Variants in SCHIP1 observed in about 807,000 individuals in gnomAD.
SCHIP1 encodes schwannomin-interacting protein 1.
A neutral mutation model predicts 29.7 loss-of-function variants in SCHIP1; 8 were observed. That is an observed-to-expected ratio of 0.27 (90% CI 0.16 to 0.49). The LOEUF is 0.49. SCHIP1 is among the 20% of genes least tolerant of loss of function. SCHIP1 has a pLI of 0.99. For missense variants in SCHIP1, 193 were observed against 294.6 expected (o/e 0.66, Z 2.52); for synonymous variants, 76 against 94.9 (o/e 0.80, Z 1.16).
the SCHIP1 span, among the ~76,000 whole-genome samples, chr3:159,320,925 C>T: frequency 1.3e-5 from 2 of 151,400 alleles, no homozygotes; most frequent in South Asian, 4.2e-4. Context: ...TTTAAAGTAC[C>T]TGGCATGGAG....
chr3:159,794,254 G>T, the SCHIP1 span, among the ~76,000 whole-genome samples: 1 of 152,154 alleles, frequency 6.6e-6, no homozygotes, highest in African/African-American at 2.4e-5. Flanking sequence ...GTTTCTGATG[G>T]GTAAGAGAGG....
chr3:159,756,261 C>G, the SCHIP1 span, among the ~76,000 whole-genome samples: 1 of 152,242 alleles, frequency 6.6e-6, no homozygotes. Flanking sequence ...CTTTCAAAAT[C>G]TAGGTGGAGG....
At chr3:159,427,177 A>G in the SCHIP1 span, among the ~76,000 whole-genome samples, 53 of 151,920 alleles carry the variant, frequency 3.5e-4, no homozygotes, top group Non-Finnish European at 6.9e-4. Context: ...CCTATTCAAC[A>G]TAGTGTTGGA....
chr3:159,719,817 A>G, the SCHIP1 span, among the ~76,000 whole-genome samples: 1 of 152,232 alleles, frequency 6.6e-6, no homozygotes, highest in Non-Finnish European at 1.5e-5. Context: ...ATTGTGGAAG[A>G]CAGTGTGAGA....
At chr3:159,365,474 T>C in the SCHIP1 span, among the ~76,000 whole-genome samples, 6 of 152,166 alleles carry the variant, frequency 3.9e-5, no homozygotes, top group African/African-American at 1.2e-4. Flanking sequence ...ACTATATATA[T>C]AAAACATATG....
At chr3:159,864,508 CACACACAT>C (rs1262173851) in intron 1 of SCHIP1, among the ~76,000 whole-genome samples, 9 of 145,516 alleles carry the variant, frequency 6.2e-5, no homozygotes, top group African/African-American at 2.0e-4. Context: ...CACACACACA[CACACACAT>C]ATGCTAGCTC....
At chr3:159,746,108 G>T in the SCHIP1 span, among the ~76,000 whole-genome samples, 54 of 152,256 alleles carry the variant, frequency 3.5e-4, no homozygotes, top group African/African-American at 1.2e-3. Flanking sequence ...TTACGTAAAT[G>T]CTTGGACTGT....
chr3:159,321,735 T>C, the SCHIP1 span, among the ~76,000 whole-genome samples: 1 of 152,088 alleles, frequency 6.6e-6, no homozygotes, highest in Non-Finnish European at 1.5e-5. Flanking sequence ...TCTTTTTAAA[T>C]AAATCTGTAC....
chr3:159,819,717 T>A, the SCHIP1 span, among the ~76,000 whole-genome samples: 2 of 152,194 alleles, frequency 1.3e-5, no homozygotes, highest in African/African-American at 4.8e-5. Flanking sequence ...GTAGAGATAA[T>A]AATAGTTTGT....
At chr3:159,850,542 C>CAA (rs61224003) in intron 1 of SCHIP1, among the ~76,000 whole-genome samples, 9,770 of 103,662 alleles carry the variant, frequency 0.094, 561 homozygotes, top group Middle Eastern at 0.13. Context: ...GATTCCATCT[C>CAA]AAAAAAAAAA....
At chr3:159,839,850 C>T, upstream of SCHIP1, 1 of 1,348,070 alleles carries the variant, frequency 7.4e-7, no homozygotes, top group East Asian at 2.8e-5. Context: ...ACACCAGCTC[C>T]AGACTGATCC....
chr3:159,432,671 G>C, the SCHIP1 span, among the ~76,000 whole-genome samples: 1 of 152,274 alleles, frequency 6.6e-6, no homozygotes, highest in East Asian at 1.9e-4. Flanking sequence ...TTCATTAGGT[G>C]TGAAATAATG....
chr3:159,371,213 A>T, the SCHIP1 span, among the ~76,000 whole-genome samples: 1 of 152,208 alleles, frequency 6.6e-6, no homozygotes, highest in African/African-American at 2.4e-5. Flanking sequence ...TATGTCCTGA[A>T]CATGTGTAGC....
the SCHIP1 span, among the ~76,000 whole-genome samples, chr3:159,462,205 T>C: frequency 6.6e-6 from 1 of 151,810 alleles, no homozygotes; most frequent in Admixed American, 6.6e-5. Context: ...CAAGACTCCA[T>C]CTCAAAAAAA....
chr3:159,364,070 A>G, the SCHIP1 span, among the ~76,000 whole-genome samples: 2 of 152,196 alleles, frequency 1.3e-5, no homozygotes, highest in Non-Finnish European at 1.5e-5. Flanking sequence ...ATAATGTAAT[A>G]ATAGTAAAAT....
chr3:159,407,184 T>TAATG, the SCHIP1 span, among the ~76,000 whole-genome samples: 1 of 151,798 alleles, frequency 6.6e-6, no homozygotes, highest in Non-Finnish European at 1.5e-5. Flanking sequence ...AAACCAAAAA[T>TAATG]AATGAAAAAA....
At chr3:159,283,604 A>G in the SCHIP1 span, among the ~76,000 whole-genome samples, 2 of 151,438 alleles carry the variant, frequency 1.3e-5, no homozygotes, top group Admixed American at 1.3e-4. Flanking sequence ...GCGCCTGGCT[A>G]TTTCCTTCCT....
At chr3:159,299,986 A>G in the SCHIP1 span, among the ~76,000 whole-genome samples, 1 of 151,792 alleles carries the variant, frequency 6.6e-6, no homozygotes, top group African/African-American at 2.4e-5. Flanking sequence ...GGGGAGGTAG[A>G]GGTTAGAAGC....
the SCHIP1 span, among the ~76,000 whole-genome samples, chr3:159,399,948 G>A: frequency 6.6e-6 from 1 of 152,316 alleles, no homozygotes; most frequent in Admixed American, 6.5e-5. Context: ...GAAGTGCTGA[G>A]ATTACAGGCT....
Sources: gnomAD v4.1 joint callset for allele counts (sites outside exome capture counted in the v4.1 genomes callset) on GRCh38, gnomAD v4.1.1 for gene constraint, MANE v1.5 for transcripts, NCBI Gene and HGNC (gene_info 2026-07-23, HGNC 2026-07-21) for gene names.